AEBP2: variants seen among roughly 807,000 people sequenced by gnomAD.
AEBP2 encodes AE binding protein 2.
In AEBP2, 10 loss-of-function variants were observed where a neutral mutation model predicts 50.8. The ratio of observed to expected loss-of-function variants is 0.20; its 90% CI spans 0.12 to 0.33. The LOEUF is 0.33. AEBP2 is among the 10% of genes least tolerant of loss of function. AEBP2 has a pLI of 1.00. For missense variants in AEBP2, 570 were observed against 688.0 expected (o/e 0.83, Z 1.92); for synonymous variants, 296 against 261.3 (o/e 1.13, Z -1.28).
At chr12:19,416,957 C>T (rs1250373896) in intron 1 of AEBP2, among the ~76,000 whole-genome samples, 1 of 151,822 alleles carries the variant, frequency 6.6e-6, no homozygotes, top group East Asian at 1.9e-4. Flanking sequence ...CTGCAACCTC[C>T]ACCTCTCAGG....
chr12:19,427,803 G>A (rs1310701671), intron 1 of AEBP2, among the ~76,000 whole-genome samples: 3 of 152,042 alleles, frequency 2.0e-5, no homozygotes, highest in African/African-American at 7.2e-5. Flanking sequence ...ATAGTAGGGT[G>A]GGAAGGACAG....
chr12:19,517,706 G>C (rs942571342), intron 7 of AEBP2, among the ~76,000 whole-genome samples: 5 of 152,314 alleles, frequency 3.3e-5, no homozygotes, highest in Admixed American at 6.5e-5. Flanking sequence ...TTCTCTCTCT[G>C]TTTCTAGGCT....
chr12:19,502,947 CTGTT>C (rs1272509959), intron 5 of AEBP2, among the ~76,000 whole-genome samples: 1 of 152,308 alleles, frequency 6.6e-6, no homozygotes, highest in South Asian at 2.1e-4. Flanking sequence ...CCACGCTTGG[CTGTT>C]TGTTTATTTT....
At position 19,518,191 on chromosome 12, in the gene AEBP2, A is replaced by G. The variant is rs1949347041; in HGVS notation, c.*74A>G. ...TTAGTCACTGACAATGGGTTTAGGG[A>G]AAGTTGCACATTAGAGTCAACCCCT... On this transcript the variant is annotated 3_prime_UTR_variant, in exon 8 of 8. Coordinates refer to ENST00000266508, the MANE Select transcript of AEBP2 (RefSeq NM_153207.5). 1 of 1,456,132 alleles carries G rather than the reference A, an allele frequency of 6.9e-7. No homozygotes were observed. Among genetic ancestry groups the G allele is most frequent in the Non-Finnish European group, 9.0e-7 (1 of 1,106,232 alleles). The allele number at this position is 1,456,132 out of a possible 1,614,324, so 90.2% of individuals were successfully genotyped here. A position where few individuals can be genotyped will look rare whatever the true frequency, so the allele number is the denominator to read the frequency against.
chr12:19,507,960 T>G (rs367716912), intron 5 of AEBP2, among the ~76,000 whole-genome samples: 2 of 152,358 alleles, frequency 1.3e-5, no homozygotes, highest in African/African-American at 4.8e-5. Flanking sequence ...CTATACTGTT[T>G]GGTTTGCCTA....
In AEBP2 at chr12:19,406,245, A is replaced by C. The variant is rs183386763; in HGVS notation, c.-17+2029A>C. Reference sequence around the variant, plus strand: ...CTCCCAAAGTGCTGGGATTATAGGCATGAGCCACCACACCCAGCCTACATT... The same window carrying C: ...CTCCCAAAGTGCTGGGATTATAGGCCTGAGCCACCACACCCAGCCTACATT... On this transcript the variant is annotated intron_variant, in intron 1 of 3. Coordinates refer to the AEBP2 transcript ENST00000538425. 9.9e-5 allele frequency among the ~76,000 whole-genome samples: 15 copies of C among 152,258 alleles called. No individual in the cohort carries two copies. The East Asian group carries it at 2.9e-3, about 30-fold the overall frequency.
At chr12:19,493,332 C>G (rs1711966729) in intron 3 of AEBP2, among the ~76,000 whole-genome samples, 1 of 152,118 alleles carries the variant, frequency 6.6e-6, no homozygotes, top group South Asian at 2.1e-4. Context: ...ACCCAGGAGG[C>G]AGAGGTTGCA....
Position 19,439,971 on chromosome 12 carries a change from G to T in AEBP2, c.272G>T (p.Ser91Ile). 2 of 1,522,920 alleles carry T rather than the reference G, an allele frequency of 1.3e-6. No individual in the cohort carries two copies. The highest frequency in any genetic ancestry group is 1.8e-6 in the Non-Finnish European group (2 of 1,141,444). 94.3% of individuals were successfully genotyped at this position (1,522,920 alleles called of 1,614,324 possible). ...TCGGAGCCGAGCCCCGAGAGCGCCA[G>T]CCAGGCCGGGGAGGACGAAGACGAG... ...TMSEPSPESA[S>I]QAGEDEDEEE... Residue 91 changes from serine to isoleucine, a missense_variant, in exon 1 of 8, where the codon AGC becomes ATC. By Grantham distance (142) the Ser-to-Ile change is moderately radical. This residue lies in a region of AEBP2 where 386 missense variants were observed against 336.8 expected (regional missense o/e 1.15). Coordinates refer to ENST00000266508, the MANE Select transcript of AEBP2 (RefSeq NM_153207.5).
intron 5 of AEBP2, among the ~76,000 whole-genome samples, chr12:19,501,295 C>T (rs1226452262): frequency 2.0e-5 from 3 of 148,934 alleles, no homozygotes; most frequent in East Asian, 4.0e-4. Context: ...CGCACCACTG[C>T]ACTCCGACCT....
intron 2 of AEBP2, among the ~76,000 whole-genome samples, chr12:19,463,151 C>G (rs1948407814): frequency 6.6e-6 from 1 of 152,128 alleles, no homozygotes; most frequent in African/African-American, 2.4e-5. Context: ...TAAATAACAA[C>G]CTGAACTCAT....
At chr12:19,512,213 G>T (rs1188701850) in intron 5 of AEBP2, among the ~76,000 whole-genome samples, 185 bp from the exon 6 acceptor site, 1 of 152,038 alleles carries the variant, frequency 6.6e-6, no homozygotes, top group Non-Finnish European at 1.5e-5. Flanking sequence ...GTAGAGACGG[G>T]GTTTCACCAT....
intron 3 of AEBP2, among the ~76,000 whole-genome samples, chr12:19,482,061 C>A (rs7307085): frequency 0.16 from 24,476 of 152,078 alleles, 3,432 homozygotes; most frequent in African/African-American, 0.37. Flanking sequence ...CTGGTTCCTT[C>A]TCATTTGTTT....
At chr12:19,430,341 G>C (rs2095750776) in intron 1 of AEBP2, among the ~76,000 whole-genome samples, 1 of 152,176 alleles carries the variant, frequency 6.6e-6, no homozygotes, top group African/African-American at 2.4e-5. Flanking sequence ...CTATATATCT[G>C]TTTTGGTACC....
At chr12:19,411,963 G>A (rs2095739441) in intron 1 of AEBP2, among the ~76,000 whole-genome samples, 1 of 152,250 alleles carries the variant, frequency 6.6e-6, no homozygotes, top group Non-Finnish European at 1.5e-5. Context: ...ACTCTAAACT[G>A]GGTCCTCATT....
At chr12:19,496,918 A>AGCC (rs1948991189) in intron 4 of AEBP2, among the ~76,000 whole-genome samples, 1 of 151,660 alleles carries the variant, frequency 6.6e-6, no homozygotes, top group Admixed American at 6.6e-5. Flanking sequence ...CACCCATCTC[A>AGCC]GCCTCCCAAA....
intron 1 of AEBP2, among the ~76,000 whole-genome samples, chr12:19,447,477 G>A (rs1471091850): frequency 6.6e-6 from 1 of 152,096 alleles, no homozygotes; most frequent in Non-Finnish European, 1.5e-5. Context: ...TTCTGAATAC[G>A]TTTTCTTGAG....
chr12:19,447,812 G>C (rs1948100242), intron 1 of AEBP2, among the ~76,000 whole-genome samples: 1 of 152,174 alleles, frequency 6.6e-6, no homozygotes. Context: ...GTTTATTTCT[G>C]TGAAGCTCAG....
At chr12:19,498,234 T>G (rs1949016010) in intron 4 of AEBP2, among the ~76,000 whole-genome samples, 2 of 152,176 alleles carry the variant, frequency 1.3e-5, no homozygotes, top group Admixed American at 6.5e-5. Flanking sequence ...AGTTACACAT[T>G]TTTTTTCGAG....
chr12:19,479,705 A>T (rs4394924), intron 3 of AEBP2, among the ~76,000 whole-genome samples: 2 of 121,380 alleles, frequency 1.6e-5, no homozygotes, highest in Admixed American at 9.7e-5. Context: ...ATTTAATGTC[A>T]CCTCTTTGTG....
Sources: gnomAD v4.1 joint callset for allele counts (sites outside exome capture counted in the v4.1 genomes callset) on GRCh38, gnomAD v4.1.1 for gene constraint, gnomAD v4.1.1 regional missense constraint, MANE v1.5 for transcripts, NCBI Gene and HGNC (gene_info 2026-07-23, HGNC 2026-07-21) for gene names.